CAP1: variants seen among roughly 807,000 people sequenced by gnomAD.
CAP1 encodes cyclase associated actin cytoskeleton regulatory protein 1, also known as adenylyl cyclase-associated protein 1.
Under a neutral mutation model 58.2 loss-of-function variants are expected in CAP1, and 11 were observed. That is an observed-to-expected ratio of 0.19 (90% CI 0.12 to 0.31). The LOEUF is 0.31. CAP1 is among the 10% of genes least tolerant of loss of function. The pLI, the probability that CAP1 is intolerant of heterozygous loss-of-function variation, is 1.00. For missense variants in CAP1, 423 were observed against 587.5 expected (o/e 0.72, Z 2.89); for synonymous variants, 183 against 213.8 (o/e 0.86, Z 1.26).
At position 40,061,750 on chromosome 1, in the gene CAP1, A is replaced by G; in HGVS notation, c.232A>G (p.Thr78Ala). 6.2e-7 allele frequency: 1 copy of G among 1,614,072 alleles called. No homozygotes were observed. The highest frequency in any genetic ancestry group is 8.5e-7 in the Non-Finnish European group (1 of 1,179,946). Residue 78 changes from threonine (T) to alanine (A), a missense_variant, in exon 4 of 13, where the codon ACA becomes GCA. Thr to Ala is a moderately conservative substitution (Grantham distance 58). Coordinates refer to ENST00000372805, the MANE Select transcript of CAP1 (RefSeq NM_006367.4). ...DVQKHAEMVH[T>A]GLKLERALLV... Reference sequence around the variant, plus strand: ...TTTCTGGCAGGCGGAGATGGTCCACACAGGTTTGAAGTTGGAGCGAGCTCT... The same window carrying G: ...TTTCTGGCAGGCGGAGATGGTCCACGCAGGTTTGAAGTTGGAGCGAGCTCT...
At chr1:40,044,374 A>G (rs139587387) in intron 1 of CAP1, among the ~76,000 whole-genome samples, 71 of 152,332 alleles carry the variant, frequency 4.7e-4, no homozygotes, top group African/African-American at 1.5e-3. Context: ...TTGAAATATG[A>G]GAGTTCTCGA....
intron 6 of CAP1, among the ~76,000 whole-genome samples, chr1:40,065,765 C>T (rs1303947263): frequency 1.3e-5 from 2 of 152,192 alleles, no homozygotes; most frequent in South Asian, 2.1e-4. Flanking sequence ...GGCATTGTCT[C>T]ATAAGGCAGT....
At chr1:40,059,714 G>A (rs1215044132) in intron 2 of CAP1, among the ~76,000 whole-genome samples, 6 of 152,114 alleles carry the variant, frequency 3.9e-5, no homozygotes, top group Non-Finnish European at 2.9e-5. Context: ...TCCAATGTAA[G>A]TCAAATGACA....
At chr1:40,046,495 A>G (rs1242299482) in intron 1 of CAP1, among the ~76,000 whole-genome samples, 1 of 152,100 alleles carries the variant, frequency 6.6e-6, no homozygotes, top group Non-Finnish European at 1.5e-5. Context: ...AAAAACAAAC[A>G]AACACTAAAG....
Position 40,070,821 on chromosome 1 carries a change from TTG to T in CAP1, c.1201-13_1201-12del. ...CCCAACCACTGGGACTCAGTTCTCT[TTG>T]TTTACTCTGCAGGTAATGGGTAAAG... On this transcript the variant is annotated splice_polypyrimidine_tract_variant and intron_variant, in intron 11 of 12. Transcript: ENST00000372805. The T allele has an allele frequency of 6.2e-7, 1 of 1,600,230 alleles. No homozygotes were observed. The highest frequency in any genetic ancestry group is 8.5e-7 in the Non-Finnish European group (1 of 1,174,132).
intron 2 of CAP1, 129 bp from the exon 3 acceptor site, chr1:40,059,938 G>A: frequency 1.6e-6 from 1 of 617,786 alleles, no homozygotes; most frequent in East Asian, 2.8e-5. Flanking sequence ...CTGGAACCCA[G>A]GTTTCCTTAC....
chr1:40,070,388 C>A (rs760313957), intron 10 of CAP1, 42 bp from the exon 11 acceptor site: 1 of 1,467,042 alleles, frequency 6.8e-7, no homozygotes, highest in South Asian at 1.2e-5. Context: ...ATATTACTTT[C>A]CTTTAAAGTT....
intron 1 of CAP1, among the ~76,000 whole-genome samples, chr1:40,043,907 G>T (rs1049022132): frequency 2.0e-5 from 3 of 151,878 alleles, no homozygotes; most frequent in Non-Finnish European, 2.9e-5. Flanking sequence ...GAAATTTCTC[G>T]CTTTTTCCAG....
chr1:40,071,053 AT>A (rs1400325375), intron 12 of CAP1, 74 bp downstream of exon 12: 8 of 1,400,638 alleles, frequency 5.7e-6, no homozygotes, highest in Admixed American at 4.1e-5. Context: ...GAAGAAAGCT[AT>A]TTTATGAACA....
At chr1:40,049,423 C>A (rs566206906) in intron 1 of CAP1, among the ~76,000 whole-genome samples, 3 of 151,972 alleles carry the variant, frequency 2.0e-5, no homozygotes, top group African/African-American at 7.2e-5. Flanking sequence ...TTTAGCCAGG[C>A]TGGTCTCGAA....
At chr1:40,071,092 T>TAA in intron 12 of CAP1, 113 bp downstream of exon 12, 1 of 954,970 alleles carries the variant, frequency 1.0e-6, no homozygotes, top group South Asian at 1.7e-5. Flanking sequence ...AAAAACCCAA[T>TAA]AATGCACACC....
At chr1:40,050,361 T>C (rs1302917214) in intron 1 of CAP1, among the ~76,000 whole-genome samples, 1 of 1,398 alleles carries the variant, frequency 7.2e-4, no homozygotes, top group Non-Finnish European at 1.6e-3. Context: ...TTCATTTTGT[T>C]CCAATATTTG....
Position 40,059,356 on chromosome 1 carries a change from A to C in CAP1, c.10A>C (p.Met4Leu). The C allele has an allele frequency of 1.2e-6, 2 of 1,609,574 alleles. No homozygotes were observed. The highest frequency in any genetic ancestry group is 1.7e-4 in the Middle Eastern group (1 of 6,044). ...CAGCAGGTGGTCCATTATGGCTGAC[A>C]TGCAAAATCTGGTAGAAAGATTGGA... The part of the protein sequence containing the change: MAD[M>L]QNLVERLERA... The change falls in exon 2 of 13, where the codon ATG (methionine) becomes CTG (leucine). Residue 4 changes from methionine (M) to leucine (L), a missense_variant. Met to Leu is a conservative substitution (Grantham distance 15). Transcript: ENST00000372805.
chr1:40,067,285 G>A, intron 7 of CAP1: 1 of 418,172 alleles, frequency 2.4e-6, no homozygotes. Flanking sequence ...GTAGATTTGT[G>A]GAAATAGTTT....
chr1:40,044,741 C>T (rs1024176116), intron 1 of CAP1, among the ~76,000 whole-genome samples: 9 of 149,542 alleles, frequency 6.0e-5, no homozygotes, highest in African/African-American at 2.2e-4. Flanking sequence ...TAAATTAGAA[C>T]AGGGTTTCTC....
chr1:40,046,244 T>C (rs1646094944), intron 1 of CAP1, among the ~76,000 whole-genome samples: 1 of 152,116 alleles, frequency 6.6e-6, no homozygotes, highest in African/African-American at 2.4e-5. Context: ...TCACCTGAGG[T>C]CAGGAGTTCG....
rs762740918 is a variant in CAP1 at position 40,064,468 on chromosome 1, C to T, written c.439-6C>T. On this transcript the variant is annotated splice_polypyrimidine_tract_variant and splice_region_variant and intron_variant, in intron 5 of 12. Transcript: ENST00000372805. ...CCTGAGTCACTGACAGCTTGTCTCT[C>T]TCTAGGCTCCCAAGCCTGGCCCTTA... 1.9e-6 allele frequency: 3 copies of T among 1,613,468 alleles called. No individual in the cohort carries two copies. The highest frequency in any genetic ancestry group is 1.7e-4 in the Middle Eastern group (1 of 6,050).
At chr1:40,049,912 T>C (rs558732729) in intron 1 of CAP1, among the ~76,000 whole-genome samples, 1 of 152,314 alleles carries the variant, frequency 6.6e-6, no homozygotes, top group South Asian at 2.1e-4. Context: ...CAGTTAGTAC[T>C]TGTTCTCAGT....
chr1:40,061,612 G>T (rs1646854520), intron 3 of CAP1, 123 bp from the exon 4 acceptor site: 6 of 780,952 alleles, frequency 7.7e-6, no homozygotes, highest in Admixed American at 1.8e-5. Context: ...GAATACATGA[G>T]GAGGATAACA....
Sources: gnomAD v4.1 joint callset for allele counts (sites outside exome capture counted in the v4.1 genomes callset) on GRCh38, gnomAD v4.1.1 for gene constraint, MANE v1.5 for transcripts, NCBI Gene and HGNC (gene_info 2026-07-23, HGNC 2026-07-21) for gene names.